Variants in DMBX1 observed in about 807,000 individuals in gnomAD.
DMBX1 encodes the protein diencephalon/mesencephalon homeobox 1, also known as diencephalon/mesencephalon homeobox protein 1.
DMBX1 carries 7 observed loss-of-function variants against 30.4 expected under a neutral mutation model. The observed-to-expected ratio is 0.23, with a 90% CI of 0.13 to 0.43. The LOEUF (loss-of-function observed/expected upper bound fraction) is 0.43, where lower values mean the gene tolerates loss of function less well. DMBX1 is among the 20% of genes least tolerant of loss of function. The probability of loss-of-function intolerance (pLI) is 1.00; values close to 1 mark genes in which losing one functional copy is unlikely to be tolerated. For synonymous variants in DMBX1, 222 were observed against 214.2 expected, an observed-to-expected ratio of 1.04 and a Z score of -0.32; for missense variants, 460 against 508.5, an observed-to-expected ratio of 0.90 and a Z score of 0.92.
At chr1:46,501,195 T>C (rs1259661337) in intron 2 of DMBX1, among the ~76,000 whole-genome samples, 1 of 63,138 alleles carries the variant, frequency 1.6e-5, no homozygotes, top group Non-Finnish European at 3.0e-5. Context: ...TTTCTCTCCC[T>C]TCCTTCCTTC....
chr1:46,490,220 A>T (rs951497216), intron 1 of DMBX1, among the ~76,000 whole-genome samples: 1 of 152,218 alleles, frequency 6.6e-6, no homozygotes. Flanking sequence ...TCCGAGGCAG[A>T]GAGAGCGGAG....
chr1:46,497,745 A>G (rs1666049701), intron 2 of DMBX1, among the ~76,000 whole-genome samples: 1 of 152,268 alleles, frequency 6.6e-6, no homozygotes, highest in South Asian at 2.1e-4. Context: ...CGATGCGGGG[A>G]CATAACGGAT....
chr1:46,493,130 G>T lies in DMBX1; in HGVS notation c.-13+2347G>T, dbSNP rs1002002180. On this transcript the variant is annotated intron_variant, in intron 2 of 5. Transcript: ENST00000360032. The surrounding 1 kb of genome is among the most constrained non-coding windows in gnomAD (Gnocchi z 4.1). ...CCACCCCTTTCTCACAGTCCCGCTC[G>T]GCCGCCCCGCAGTGCCCATGTAAAT... 6.6e-6 allele frequency among the ~76,000 whole-genome samples: 1 copy of T among 151,868 alleles called. No homozygotes were observed. The highest frequency in any genetic ancestry group is 1.5e-5 in the Non-Finnish European group (1 of 67,982).
rs1048661908 is a variant in DMBX1, at chr1:46,512,646, C to T, written c.*152C>T. On this transcript the variant is annotated 3_prime_UTR_variant, in exon 6 of 6. Transcript: ENST00000360032. The surrounding 1 kb of genome is among the most constrained non-coding windows in gnomAD (Gnocchi z 4.8). ...TGCTCCGCTTCCCCATACCCCAGCCCGAGGTGAAGCCCACACCTACACACC... is the reference window on the plus strand; with the variant it reads ...TGCTCCGCTTCCCCATACCCCAGCCTGAGGTGAAGCCCACACCTACACACC... 1.9e-5 allele frequency: 16 copies of T among 835,166 alleles called. No homozygotes were observed. The East Asian group carries it at 3.2e-4, about 17-fold the overall frequency. The allele number at this position is 835,166 out of a possible 1,614,324, so 51.7% of individuals were successfully genotyped here.
chr1:46,500,101 T>C (rs985969783), intron 2 of DMBX1, among the ~76,000 whole-genome samples: 22 of 151,604 alleles, frequency 1.5e-4, no homozygotes, highest in African/African-American at 5.3e-4. Flanking sequence ...GTGTTTCAGG[T>C]AGAGGGCCCA....
intron 2 of DMBX1, among the ~76,000 whole-genome samples, chr1:46,503,023 T>A (rs1393333585): frequency 6.6e-6 from 1 of 152,384 alleles, no homozygotes; most frequent in Non-Finnish European, 1.5e-5. Context: ...GGGATTACAA[T>A]GGGCCGTGGA....
In DMBX1 at chr1:46,512,482, G is replaced by T. The variant is rs1312994662; in HGVS notation, c.1122G>T (p.Thr374=). 6.2e-7 allele frequency: 1 copy of T among 1,608,598 alleles called. No homozygotes were observed. Among genetic ancestry groups the T allele is most frequent in the Non-Finnish European group, 8.5e-7 (1 of 1,176,500 alleles). Reference sequence around the variant, plus strand: ...ACGCGGCCTCCCTGGGACTCGATACGCTGCCCAACTGACTGTCTGGCTTCC... The same window carrying T: ...ACGCGGCCTCCCTGGGACTCGATACTCTGCCCAACTGACTGTCTGGCTTCC... The part of the protein sequence containing the change: ...KQHAASLGLD[T]LPN Residue 374 remains threonine (T), a synonymous_variant, in exon 6 of 6, where the codon ACG becomes ACT. Transcript: ENST00000360032. The surrounding 1 kb of genome is among the most constrained non-coding windows in gnomAD (Gnocchi z 4.8).
rs922542893 is a variant in DMBX1 at position 46,493,876 on chromosome 1, A to G, written c.-13+3093A>G. On this transcript the variant is annotated intron_variant, in intron 2 of 5. Coordinates refer to ENST00000360032, the MANE Select transcript of DMBX1 (RefSeq NM_172225.2). This position sits in a 1 kb window ranked among gnomAD's most constrained non-coding sequence, Gnocchi z 4.1. ...GGAGGCCCTAACTTGGGCCTAGAGC[A>G]GCTCTGCTCCTCAGGGTACTCTGTA... is the stretch of plus-strand genomic sequence containing the variant. Among the ~76,000 whole-genome samples the G allele has an allele frequency of 1.3e-5, 2 of 152,252 alleles. No individual in the cohort carries two copies. The highest frequency in any genetic ancestry group is 4.8e-5 in the African/African-American group (2 of 41,468).
At chr1:46,506,868 C>T (rs1204395240) in intron 2 of DMBX1, 131 bp from the exon 3 acceptor site, 13 of 1,000,266 alleles carry the variant, frequency 1.3e-5, no homozygotes, top group Non-Finnish European at 1.6e-5. Flanking sequence ...GCAAGACAGG[C>T]TCCCTTCCGA....
chr1:46,505,337 C>G (rs1205028616), intron 2 of DMBX1, among the ~76,000 whole-genome samples: 3 of 145,830 alleles, frequency 2.1e-5, no homozygotes, highest in Non-Finnish European at 4.5e-5. Flanking sequence ...ATAGCAAAGA[C>G]TTGGAACCAA....
At position 46,512,061 on chromosome 1, in the gene DMBX1, C is replaced by T. The variant is rs370771109; in HGVS notation, c.701C>T (p.Thr234Ile). 19 of 1,611,800 alleles carry T rather than the reference C, an allele frequency of 1.2e-5. No homozygotes were observed. In the African/African-American group the frequency reaches 2.3e-4, roughly 19 times the overall value. The change falls in exon 6 of 6, where the codon ACC becomes ATC. Residue 234 changes from threonine to isoleucine, a missense_variant. Physicochemically the swap from Thr to Ile is moderately conservative, Grantham distance 89. Transcript: ENST00000360032. This position sits in a 1 kb window ranked among gnomAD's most constrained non-coding sequence, Gnocchi z 4.8. The part of the protein sequence containing the change: ...SPKADSPGSL[T>I]ITPVAPGGGL... ...CTTGCAGATTCCCCAGGCAGCCTGACCATCACTCCTGTGGCCCCAGGGGGT... is the reference window on the plus strand; with the variant it reads ...CTTGCAGATTCCCCAGGCAGCCTGATCATCACTCCTGTGGCCCCAGGGGGT...
intron 3 of DMBX1, among the ~76,000 whole-genome samples, chr1:46,508,296 G>A (rs563223069): frequency 7.2e-5 from 11 of 152,334 alleles, no homozygotes; most frequent in Admixed American, 6.5e-4. Context: ...AGCAGGATCA[G>A]CTGGGGTAGT....
chr1:46,512,375 C>T lies in DMBX1; in HGVS notation c.1015C>T (p.Pro339Ser), dbSNP rs1157294531. Reference sequence around the variant, plus strand: ...GGGGTCTCCTCTGCTGCCTGCACCCCCAGCAGGCCTGGCTCCTGCATCAGC... The same window carrying T: ...GGGGTCTCCTCTGCTGCCTGCACCCTCAGCAGGCCTGGCTCCTGCATCAGC... ...VWGSPLLPAP[P>S]AGLAPASATL... Residue 339 changes from proline to serine, a missense_variant, in exon 6 of 6, where the codon CCA becomes TCA. Coordinates refer to ENST00000360032, the MANE Select transcript of DMBX1 (RefSeq NM_172225.2). This position sits in a 1 kb window ranked among gnomAD's most constrained non-coding sequence, Gnocchi z 4.8. The T allele has an allele frequency of 1.2e-6, 2 of 1,614,034 alleles. No homozygotes were observed. The highest frequency in any genetic ancestry group is 3.3e-5 in the Admixed American group (2 of 60,018).
At chr1:46,498,607 C>A (rs1422247783) in intron 2 of DMBX1, among the ~76,000 whole-genome samples, 1 of 152,106 alleles carries the variant, frequency 6.6e-6, no homozygotes, top group Non-Finnish European at 1.5e-5. Flanking sequence ...GTCCCCTGGT[C>A]GCACACTTAC....
At chr1:46,496,161 G>A (rs191048552) in intron 2 of DMBX1, among the ~76,000 whole-genome samples, 15 of 152,264 alleles carry the variant, frequency 9.9e-5, no homozygotes, top group South Asian at 4.2e-4. Flanking sequence ...AGGGTTCAGC[G>A]TAACCCAGGA....
In DMBX1 at chr1:46,512,287, A is replaced by G. The variant is rs764988907; in HGVS notation, c.927A>G (p.Ser309=). Residue 309 remains serine (S), a synonymous_variant, in exon 6 of 6, where the codon TCA becomes TCG. Coordinates refer to ENST00000360032, the MANE Select transcript of DMBX1 (RefSeq NM_172225.2). The surrounding 1 kb of genome is among the most constrained non-coding windows in gnomAD (Gnocchi z 4.8). ...GCGTCAACATGGCCCCGCTGGGCTC[A>G]CTGCACTGCCAGTCCTACTACCAGT... is the stretch of plus-strand genomic sequence containing the variant. ...YLGVNMAPLG[S]LHCQSYYQSL... 24 of 1,613,426 alleles carry G rather than the reference A, an allele frequency of 1.5e-5. No individual in the cohort carries two copies. The highest frequency in any genetic ancestry group is 2.0e-5 in the Non-Finnish European group (24 of 1,179,882).
chr1:46,501,502 C>G (rs969698277), intron 2 of DMBX1, among the ~76,000 whole-genome samples: 1 of 151,750 alleles, frequency 6.6e-6, no homozygotes, highest in Non-Finnish European at 1.5e-5. Flanking sequence ...AGGCTGGTCT[C>G]GAACACTGAC....
At position 46,512,488 on chromosome 1, in the gene DMBX1, C is replaced by T; in HGVS notation, c.1128C>T (p.Pro376=). Residue 376 remains proline, a synonymous_variant, in exon 6 of 6, where the codon CCC becomes CCT. Coordinates refer to ENST00000360032, the MANE Select transcript of DMBX1 (RefSeq NM_172225.2). The surrounding 1 kb of genome is among the most constrained non-coding windows in gnomAD (Gnocchi z 4.8). ...HAASLGLDTL[P]N is the part of the protein sequence containing the mutation. ...CCTCCCTGGGACTCGATACGCTGCCCAACTGACTGTCTGGCTTCCAACCCA... is the reference window on the plus strand; with the variant it reads ...CCTCCCTGGGACTCGATACGCTGCCTAACTGACTGTCTGGCTTCCAACCCA... The T allele has an allele frequency of 6.2e-7, 1 of 1,606,512 alleles. No homozygotes were observed. The highest frequency in any genetic ancestry group is 1.1e-5 in the South Asian group (1 of 90,554).
intron 2 of DMBX1, among the ~76,000 whole-genome samples, chr1:46,497,354 ATTG>A (rs1246458744): frequency 1.3e-5 from 2 of 152,092 alleles, no homozygotes; most frequent in African/African-American, 4.8e-5. Context: ...AGCTGTTGTT[ATTG>A]TTGTTGATGA....
Sources: gnomAD v4.1 joint callset for allele counts (sites outside exome capture counted in the v4.1 genomes callset) on GRCh38, gnomAD v4.1.1 for gene constraint, Gnocchi (gnomAD v3.1) non-coding constraint, MANE v1.5 for transcripts, NCBI Gene and HGNC (gene_info 2026-07-23, HGNC 2026-07-21) for gene names.